NIPAL3: variants seen among roughly 807,000 people sequenced by gnomAD.
The protein encoded by NIPAL3 is NIPA-like protein 3.
Under a neutral mutation model 47.2 loss-of-function variants are expected in NIPAL3, and 41 were observed. The ratio of observed to expected loss-of-function variants is 0.87; its 90% confidence interval spans 0.68 to 1.13. The LOEUF is 1.13. Ranked by LOEUF, NIPAL3 falls within the 50% of genes most tolerant of loss-of-function variation. NIPAL3 has a pLI of 0.00. For missense variants in NIPAL3, 449 were observed against 530.1 expected (o/e 0.85, Z 1.50); for synonymous variants, 194 against 209.6 (o/e 0.93, Z 0.64).
At chr1:24,456,859 T>G (rs1570356113) in intron 8 of NIPAL3, among the ~76,000 whole-genome samples, 1 of 151,854 alleles carries the variant, frequency 6.6e-6, no homozygotes, top group African/African-American at 2.4e-5. Flanking sequence ...GCCTCTGGGG[T>G]TCAAGCGATT....
intron 7 of NIPAL3, 142 bp from the exon 8 acceptor site, chr1:24,455,996 C>G: frequency 1.1e-6 from 1 of 937,332 alleles, no homozygotes; most frequent in African/African-American, 1.6e-5. Flanking sequence ...GCGTCTGTCA[C>G]TGTGCAAACT....
intron 11 of NIPAL3, chr1:24,465,364 G>A (rs919183504): frequency 1.3e-5 from 2 of 152,036 alleles, no homozygotes; most frequent in African/African-American, 4.8e-5. Flanking sequence ...GTATGTGTAT[G>A]TATATGTGTG....
At chr1:24,448,145 A>G (rs1360714408) in intron 5 of NIPAL3, among the ~76,000 whole-genome samples, 1 of 152,260 alleles carries the variant, frequency 6.6e-6, no homozygotes, top group African/African-American at 2.4e-5. Context: ...GAATAAAGAT[A>G]AAAGACATTT....
chr1:24,422,959 C>T (rs1361068262), intron 2 of NIPAL3, among the ~76,000 whole-genome samples: 2 of 152,180 alleles, frequency 1.3e-5, no homozygotes, highest in African/African-American at 4.8e-5. Context: ...AGGGTGCATA[C>T]ATGTTACTGA....
chr1:24,440,363 TG>T (rs1645320698), intron 3 of NIPAL3, 123 bp downstream of exon 3: 1 of 632,452 alleles, frequency 1.6e-6, no homozygotes, highest in South Asian at 3.0e-5. Context: ...GGGCTGCACC[TG>T]GGACAATACC....
chr1:24,444,018 C>CTT (rs10648122), intron 4 of NIPAL3, among the ~76,000 whole-genome samples: 14,495 of 147,978 alleles, frequency 0.098, 717 homozygotes, highest in Non-Finnish European at 0.12. Context: ...TAACCAAATT[C>CTT]TTTTTTTTTT....
At position 24,416,736 on chromosome 1, in the gene NIPAL3, T is replaced by C. The variant is rs372114817; in HGVS notation, c.-258+832T>C. The C allele has an allele frequency of 6.6e-6, 1 of 152,286 alleles. No individual in the cohort carries two copies. The highest frequency in any genetic ancestry group is 2.1e-4 in the South Asian group (1 of 4,822). The allele number at this position is 152,286 out of a possible 1,614,324, so 9.4% of individuals were successfully genotyped here. A position where few individuals can be genotyped will look rare whatever the true frequency, so the allele number is the denominator to read the frequency against. The stretch of plus-strand genomic sequence containing the variant: ...CACCAGGTGAAAAGTATGTGTCTTA[T>C]AAGGGAGTACAGCTTGCAAAGGGTT... On this transcript the variant is annotated intron_variant, in intron 1 of 11. Transcript: ENST00000374399. The surrounding 1 kb of genome is among the most constrained non-coding windows in gnomAD (Gnocchi z 4.8).
Position 24,416,395 on chromosome 1 carries a change from C to G in NIPAL3, c.-258+491C>G, listed in dbSNP as rs1644035674. 1.1e-6 allele frequency: 1 copy of G among 924,770 alleles called. No homozygotes were observed. The highest frequency in any genetic ancestry group is 1.3e-6 in the Non-Finnish European group (1 of 774,662). 57.3% of individuals were successfully genotyped at this position (924,770 alleles called of 1,614,324 possible). Reference sequence around the variant, plus strand: ...AAGCTTGGCAGGGAACTGGCGCTCACCTCCAGAAGCCAGATCGTCGGGTGG... The same window carrying G: ...AAGCTTGGCAGGGAACTGGCGCTCAGCTCCAGAAGCCAGATCGTCGGGTGG... On this transcript the variant is annotated intron_variant, in intron 1 of 11. Coordinates refer to ENST00000374399, the MANE Select transcript of NIPAL3 (RefSeq NM_020448.5). The surrounding 1 kb of genome is among the most constrained non-coding windows in gnomAD (Gnocchi z 4.8).
rs1645931600 is a variant in NIPAL3, at chr1:24,451,437, T to C, written c.540+1811T>C. Among the ~76,000 whole-genome samples, 1 of 152,154 alleles carries C rather than the reference T, an allele frequency of 6.6e-6. No individual in the cohort carries two copies. The highest frequency in any genetic ancestry group is 1.5e-5 in the Non-Finnish European group (1 of 68,032). ...CGGGCCACATGTGGTGGCTCACACC[T>C]ATAATCTCAGCACTTTGGGAGGCCG... On this transcript the variant is annotated intron_variant, in intron 6 of 11. Transcript: ENST00000374399. The surrounding 1 kb of genome is among the most constrained non-coding windows in gnomAD (Gnocchi z 4.5).
Position 24,449,200 on chromosome 1 carries a change from G to A in NIPAL3, c.395-281G>A, listed in dbSNP as rs1223250548. 2.6e-5 allele frequency among the ~76,000 whole-genome samples: 4 copies of A among 152,162 alleles called. No homozygotes were observed. The highest frequency in any genetic ancestry group is 4.4e-5 in the Non-Finnish European group (3 of 68,022). On this transcript the variant is annotated intron_variant, in intron 5 of 11. Coordinates refer to ENST00000374399, the MANE Select transcript of NIPAL3 (RefSeq NM_020448.5). The surrounding 1 kb of genome is among the most constrained non-coding windows in gnomAD (Gnocchi z 4.5). ...GGCTAATGTTCTCTTTCTCCATCTG[G>A]GAGCTGGTTTCATGAGTGTGTTCAC...
Position 24,449,654 on chromosome 1 carries a change from T to A in NIPAL3, c.540+28T>A. On this transcript the variant is annotated intron_variant, in intron 6 of 11. Coordinates refer to ENST00000374399, the MANE Select transcript of NIPAL3 (RefSeq NM_020448.5). The surrounding 1 kb of genome is among the most constrained non-coding windows in gnomAD (Gnocchi z 4.5). ...AAGAGAAGCCTCCAGTCGTTCCCCC[T>A]GAGATGGCAGGAGGGAGATCAAGTC... 1 of 1,602,486 alleles carries A rather than the reference T, an allele frequency of 6.2e-7. No homozygotes were observed. Among genetic ancestry groups the A allele is most frequent in the East Asian group, 2.2e-5 (1 of 44,668 alleles).
At chr1:24,423,161 A>C (rs770082554) in intron 2 of NIPAL3, among the ~76,000 whole-genome samples, 3 of 152,214 alleles carry the variant, frequency 2.0e-5, no homozygotes, top group Non-Finnish European at 4.4e-5. Context: ...TTACATATTG[A>C]AGGTGCTGAG....
chr1:24,458,063 G>C (rs991454308), intron 8 of NIPAL3, among the ~76,000 whole-genome samples: 1 of 152,228 alleles, frequency 6.6e-6, no homozygotes, highest in Admixed American at 6.5e-5. Flanking sequence ...AGCACACAGA[G>C]ATGATGAGGG....
intron 2 of NIPAL3, among the ~76,000 whole-genome samples, chr1:24,436,795 A>G (rs61773968): frequency 0.43 from 64,731 of 150,828 alleles, 15,078 homozygotes; most frequent in African/African-American, 0.64. Context: ...CACCGCGCCC[A>G]GCCTTTTGTT....
intron 7 of NIPAL3, among the ~76,000 whole-genome samples, chr1:24,455,626 CTGGGCAATA>C (rs1267211534): frequency 6.6e-6 from 1 of 151,938 alleles, no homozygotes; most frequent in Non-Finnish European, 1.5e-5. Flanking sequence ...CAAGACCTGC[CTGGGCAATA>C]TAGCGAGACC....
intron 11 of NIPAL3, chr1:24,465,942 G>A: frequency 6.4e-7 from 1 of 1,551,252 alleles, no homozygotes; most frequent in Admixed American, 2.0e-5. Context: ...CTAAACAGAG[G>A]TGCTTTTCCA....
intron 2 of NIPAL3, among the ~76,000 whole-genome samples, chr1:24,437,823 G>T (rs377139572): frequency 2.6e-5 from 4 of 152,306 alleles, no homozygotes; most frequent in East Asian, 1.9e-4. Context: ...ATAAGACCGT[G>T]TCCAATGGGG....
chr1:24,469,215 C>G lies in NIPAL3; in HGVS notation c.*30C>G. On this transcript the variant is annotated 3_prime_UTR_variant, in exon 12 of 12. Coordinates refer to ENST00000374399, the MANE Select transcript of NIPAL3 (RefSeq NM_020448.5). ...CGCCTCCCTCTATTTATAACTGTCC[C>G]CTCCAGGCTGACAGTGGTTCAACCC... The G allele has an allele frequency of 2.5e-6, 4 of 1,580,828 alleles. No homozygotes were observed. Among genetic ancestry groups the G allele is most frequent in the Non-Finnish European group, 3.5e-6 (4 of 1,157,840 alleles).
At chr1:24,435,041 A>C (rs1203102037) in intron 2 of NIPAL3, among the ~76,000 whole-genome samples, 1 of 152,246 alleles carries the variant, frequency 6.6e-6, no homozygotes, top group Non-Finnish European at 1.5e-5. Flanking sequence ...ACAATATGGT[A>C]CTGGCATAAA....
Sources: allele counts gnomAD v4.1 joint callset (sites outside exome capture counted in the v4.1 genomes callset), GRCh38; gene constraint gnomAD v4.1.1; non-coding constraint Gnocchi (gnomAD v3.1); transcripts MANE v1.5; gene names NCBI Gene and HGNC (gene_info 2026-07-23, HGNC 2026-07-21).